AGBL1: variants seen among roughly 807,000 people sequenced by gnomAD.
The protein encoded by AGBL1 is AGBL carboxypeptidase 1, also known as cytosolic carboxypeptidase 4.
A neutral mutation model predicts 118.9 loss-of-function variants in AGBL1; 130 were observed. The ratio of observed to expected loss-of-function variants is 1.09; its 90% confidence interval spans 0.95 to 1.26. The LOEUF is 1.26. AGBL1 is among the 50% of genes most tolerant of loss of function. The probability of loss-of-function intolerance (pLI) is 0.00; values close to 1 mark genes in which losing one functional copy is unlikely to be tolerated. For synonymous variants in AGBL1, 555 were observed against 478.9 expected (o/e 1.16, Z -2.08); for missense variants, 1,584 against 1,298.1 (o/e 1.22, Z -3.38).
intron 1 of AGBL1, among the ~76,000 whole-genome samples, chr15:86,101,039 G>A (rs1896684282): frequency 6.6e-6 from 1 of 152,026 alleles, no homozygotes; most frequent in African/African-American, 2.4e-5. Context: ...TTTGCTGTGT[G>A]CAATAGATTT....
At chr15:86,099,699 A>G (rs1218343030) in intron 1 of AGBL1, among the ~76,000 whole-genome samples, 2 of 152,060 alleles carry the variant, frequency 1.3e-5, no homozygotes, top group East Asian at 1.9e-4. Flanking sequence ...TAGTAGAGAT[A>G]GGGTTTCACC....
rs181268902 is a variant in AGBL1 at position 86,953,953 on chromosome 15, T to C, written c.3222-34034T>C. Among the ~76,000 whole-genome samples the C allele has an allele frequency of 3.7e-3, 566 of 152,190 alleles. 9 individuals carry two copies. Among genetic ancestry groups the C allele is most frequent in the African/African-American group, 0.013 (532 of 41,524 alleles). ...GATCACTCTGGCTAAAAAAAGAAGA[T>C]GGACAAGCAGCCAACAAACATTTGA... On this transcript the variant is annotated intron_variant, in intron 23 of 24. Coordinates refer to the AGBL1 transcript ENST00000441037.
chr15:86,283,603 G>A (rs550526162), intron 16 of AGBL1, among the ~76,000 whole-genome samples: 52 of 152,234 alleles, frequency 3.4e-4, no homozygotes, highest in African/African-American at 1.3e-3. Flanking sequence ...TAAATGAAGA[G>A]TTTAAGAAGT....
At chr15:86,358,263 A>T (rs1228051425) in intron 17 of AGBL1, among the ~76,000 whole-genome samples, 1 of 152,138 alleles carries the variant, frequency 6.6e-6, no homozygotes, top group African/African-American at 2.4e-5. Context: ...CAGTCCACAT[A>T]AAAGTAAGAT....
intron 24 of AGBL1, among the ~76,000 whole-genome samples, chr15:87,008,978 A>T (rs552929074): frequency 1.3e-5 from 2 of 152,306 alleles, no homozygotes; most frequent in South Asian, 4.2e-4. Flanking sequence ...AAGTTTGGAA[A>T]ATTTGCAGCC....
intron 22 of AGBL1, among the ~76,000 whole-genome samples, chr15:86,898,891 C>T (rs1328725720): frequency 2.0e-5 from 3 of 152,110 alleles, no homozygotes; most frequent in African/African-American, 7.2e-5. Flanking sequence ...CAAAAAATAA[C>T]ATTTGCTAGC....
At chr15:86,635,713 T>C (rs533733115) in intron 21 of AGBL1, among the ~76,000 whole-genome samples, 2 of 152,266 alleles carry the variant, frequency 1.3e-5, no homozygotes, top group East Asian at 3.9e-4. Flanking sequence ...ATTACAAATA[T>C]AAAAATAGTT....
chr15:86,316,300 A>G (rs938688940), intron 17 of AGBL1, among the ~76,000 whole-genome samples: 1 of 152,172 alleles, frequency 6.6e-6, no homozygotes, highest in African/African-American at 2.4e-5. Context: ...GAGGCCCCAA[A>G]TGATTCCTTA....
At position 86,590,763 on chromosome 15, in the gene AGBL1, C is replaced by T. The variant is rs151169589; in HGVS notation, c.2994+36226C>T. ...TGGCAGTATAAATGCAGGTTCCCTACAGATGATGTAAATTTCTCCCAGGAA... is the reference window on the plus strand; with the variant it reads ...TGGCAGTATAAATGCAGGTTCCCTATAGATGATGTAAATTTCTCCCAGGAA... On this transcript the variant is annotated intron_variant, in intron 21 of 22. Coordinates refer to ENST00000614907, the MANE Select transcript of AGBL1 (RefSeq NM_001386094.1). 3.4e-3 allele frequency among the ~76,000 whole-genome samples: 513 copies of T among 152,306 alleles called. 1 individual carries two copies. The highest frequency in any genetic ancestry group is 0.011 in the African/African-American group (440 of 41,566).
Position 86,946,812 on chromosome 15 carries a change from C to G in AGBL1, c.3222-41175C>G, listed in dbSNP as rs138906380. On this transcript the variant is annotated intron_variant, in intron 23 of 24. Transcript: ENST00000441037. ...TGAGCCAAAATCATGCCATTGCACT[C>G]CAGCCTGGGCAACGAGAGTGAAACT... 7.3e-4 allele frequency among the ~76,000 whole-genome samples: 104 copies of G among 143,310 alleles called. 1 individual carries two copies. The East Asian group carries it at 0.019, about 26-fold the overall frequency. The allele number at this position is 143,310 out of a possible 152,430, so 94.0% of individuals were successfully genotyped here. A position where few individuals can be genotyped will look rare whatever the true frequency, so the allele number is the denominator to read the frequency against.
At chr15:86,739,640 T>C (rs1329012931) in intron 22 of AGBL1, among the ~76,000 whole-genome samples, 1 of 151,908 alleles carries the variant, frequency 6.6e-6, no homozygotes, top group East Asian at 1.9e-4. Flanking sequence ...CCAGCTCCCA[T>C]AAATAATCTA....
chr15:86,192,023 C>G, intron 5 of AGBL1, among the ~76,000 whole-genome samples: 1 of 151,460 alleles, frequency 6.6e-6, no homozygotes, highest in South Asian at 2.1e-4. Context: ...GTCGCTTGAG[C>G]CCAAGAGTTC....
Position 86,684,978 on chromosome 15 carries a change from CA to C in AGBL1, c.3158+10543del, listed in dbSNP as rs1291406079. Among the ~76,000 whole-genome samples, 3 of 152,212 alleles carry C rather than the reference CA, an allele frequency of 2.0e-5. No homozygotes were observed. In the East Asian group the frequency reaches 5.8e-4, roughly 29 times the overall value. On this transcript the variant is annotated intron_variant, in intron 22 of 22. Coordinates refer to ENST00000614907, the MANE Select transcript of AGBL1 (RefSeq NM_001386094.1). ...GTTGACTGGATAGATGATAAAGAAA[CA>C]GAAGCCTTACTAGTGCATGGGTAAC...
intron 1 of AGBL1, among the ~76,000 whole-genome samples, chr15:86,101,755 A>T (rs571427598): frequency 1.3e-3 from 198 of 151,166 alleles, no homozygotes; most frequent in African/African-American, 4.4e-3. Flanking sequence ...TTTCACCTAT[A>T]TGTTTCTTTA....
chr15:86,468,160 A>C lies in AGBL1; in HGVS notation c.2556-54650A>C, dbSNP rs571452243. Among the ~76,000 whole-genome samples the C allele has an allele frequency of 5.3e-4, 80 of 152,202 alleles. 2 individuals are homozygous for C. Among genetic ancestry groups the C allele is most frequent in the African/African-American group, 1.6e-3 (67 of 41,532 alleles). On this transcript the variant is annotated intron_variant, in intron 18 of 22. Coordinates refer to ENST00000614907, the MANE Select transcript of AGBL1 (RefSeq NM_001386094.1). ...GCAGATACTTGGATAATTCACACTA[A>C]GGCCTTGAAGAAAAATTGCATGTCT...
At chr15:86,083,208 G>A (rs570995144) in intron 1 of AGBL1, 1 of 152,198 alleles carries the variant, frequency 6.6e-6, no homozygotes, top group African/African-American at 2.4e-5. Context: ...AAAAAAAGAG[G>A]TGTCTCATTT....
chr15:86,882,977 T>G (rs940202303), intron 22 of AGBL1, among the ~76,000 whole-genome samples: 20 of 152,224 alleles, frequency 1.3e-4, no homozygotes, highest in African/African-American at 4.8e-4. Flanking sequence ...TTGCCAGAGA[T>G]GTGAATTGTG....
At chr15:86,939,400 C>G (rs1294422377) in intron 23 of AGBL1, among the ~76,000 whole-genome samples, 3 of 152,190 alleles carry the variant, frequency 2.0e-5, no homozygotes, top group Admixed American at 6.5e-5. Context: ...GACTCTTGGA[C>G]TTACACCAAT....
At chr15:86,759,388 A>G (rs1228153031) in intron 22 of AGBL1, among the ~76,000 whole-genome samples, 2 of 152,078 alleles carry the variant, frequency 1.3e-5, no homozygotes, top group African/African-American at 4.8e-5. Context: ...TCTCACTTGT[A>G]TAATAGAAGT....
Sources: allele counts gnomAD v4.1 joint callset (sites outside exome capture counted in the v4.1 genomes callset), GRCh38; gene constraint gnomAD v4.1.1; transcripts MANE v1.5; gene names NCBI Gene and HGNC (gene_info 2026-07-23, HGNC 2026-07-21).